The following DISC1 variants were observed in gnomAD, a reference collection of about 807,000 sequenced individuals.
DISC1 encodes disrupted in schizophrenia 1 protein.
A neutral mutation model predicts 84.5 loss-of-function variants in DISC1; 57 were observed. The observed-to-expected ratio is 0.67, with a 90% CI of 0.55 to 0.84. DISC1 has a LOEUF of 0.84. Ranked by LOEUF, DISC1 falls within the 40% of genes least tolerant of loss-of-function variation. The pLI is 0.00. For missense variants in DISC1, 1,000 were observed against 1,057.8 expected (o/e 0.95, Z 0.76); for synonymous variants, 411 against 415.2 (o/e 0.99, Z 0.12).
intron 8 of DISC1, among the ~76,000 whole-genome samples, chr1:231,805,148 C>T (rs939558664): frequency 6.6e-6 from 1 of 152,164 alleles, no homozygotes; most frequent in African/African-American, 2.4e-5. Flanking sequence ...TCACTGTACA[C>T]ACCTTAAGTG....
chr1:231,984,842 G>A (rs1478484452), intron 10 of DISC1, among the ~76,000 whole-genome samples: 11 of 152,132 alleles, frequency 7.2e-5, no homozygotes, highest in Admixed American at 5.9e-4. Context: ...ATTAGGGGCC[G>A]ACACAAGTAA....
intron 9 of DISC1, among the ~76,000 whole-genome samples, chr1:231,921,569 G>T (rs2126081373): frequency 6.8e-6 from 1 of 146,622 alleles, no homozygotes; most frequent in African/African-American, 2.5e-5. Context: ...GAAATGATTG[G>T]ATTCTTCAAA....
intron 2 of DISC1, among the ~76,000 whole-genome samples, chr1:231,697,296 A>G (rs1424422479): frequency 1.3e-5 from 2 of 152,178 alleles, no homozygotes; most frequent in African/African-American, 4.8e-5. Flanking sequence ...TAAAAATGAG[A>G]ATCTCAGGAA....
At chr1:231,940,009 C>G (rs1206207052) in intron 9 of DISC1, among the ~76,000 whole-genome samples, 1 of 152,148 alleles carries the variant, frequency 6.6e-6, no homozygotes, top group Non-Finnish European at 1.5e-5. Flanking sequence ...TTCCAATGTG[C>G]TGGGATTACA....
chr1:231,727,530 C>T (rs1293883658), intron 3 of DISC1, among the ~76,000 whole-genome samples: 3 of 152,152 alleles, frequency 2.0e-5, no homozygotes, highest in East Asian at 1.9e-4. Context: ...TTTGACCATC[C>T]TCTGGGTGTT....
intron 6 of DISC1, among the ~76,000 whole-genome samples, chr1:231,783,756 T>C (rs149487172): frequency 1.3e-5 from 2 of 152,324 alleles, no homozygotes; most frequent in Non-Finnish European, 2.9e-5. Flanking sequence ...TACTCATATG[T>C]GCCAATTTGG....
At chr1:231,776,935 G>T (rs2077007853) in intron 6 of DISC1, among the ~76,000 whole-genome samples, 1 of 152,162 alleles carries the variant, frequency 6.6e-6, no homozygotes, top group African/African-American at 2.4e-5. Context: ...TGCCCCGGGG[G>T]TAGTGCGAGG....
In DISC1 at chr1:231,954,010, G is replaced by A. The variant is rs1456341711; in HGVS notation, c.1982-4818G>A. Among the ~76,000 whole-genome samples, 5 of 152,140 alleles carry A rather than the reference G, an allele frequency of 3.3e-5. No individual in the cohort carries two copies. Among genetic ancestry groups the A allele is most frequent in the African/African-American group, 4.8e-5 (2 of 41,422 alleles). On this transcript the variant is annotated intron_variant, in intron 9 of 12. Coordinates refer to ENST00000439617, the MANE Select transcript of DISC1 (RefSeq NM_018662.3). The surrounding 1 kb of genome is among the most constrained non-coding windows in gnomAD (Gnocchi z 4.8). Reference sequence around the variant, plus strand: ...AAGGGATACAATTCATTGAAACCTCGTTGGACTTCCTCCCACTTAACATTC... The same window carrying A: ...AAGGGATACAATTCATTGAAACCTCATTGGACTTCCTCCCACTTAACATTC...
rs1012414474 is a variant in DISC1 at position 231,881,263 on chromosome 1, C to T, written c.1981+62746C>T. ...GCTGCCATAACCAAAGACCACAAAC[C>T]GGGTGGCTTAAAGAACAGACACGCA... On this transcript the variant is annotated intron_variant, in intron 9 of 12. Transcript: ENST00000439617. Among the ~76,000 whole-genome samples the T allele has an allele frequency of 9.2e-5, 14 of 152,234 alleles. No homozygotes were observed. The East Asian group carries it at 1.4e-3, about 15-fold the overall frequency.
At chr1:231,644,004 T>C (rs2059934035) in intron 1 of DISC1, among the ~76,000 whole-genome samples, 2 of 152,216 alleles carry the variant, frequency 1.3e-5, no homozygotes, top group Admixed American at 6.5e-5. Context: ...ATTTGCACAA[T>C]GGTACCATAT....
At chr1:231,635,015 T>C (rs2059076295) in intron 1 of DISC1, among the ~76,000 whole-genome samples, 1 of 152,202 alleles carries the variant, frequency 6.6e-6, no homozygotes, top group Admixed American at 6.5e-5. Flanking sequence ...CCTGGTATTC[T>C]TAGGCCTTAG....
chr1:231,638,394 A>G (rs1031594076), intron 1 of DISC1, among the ~76,000 whole-genome samples: 5 of 152,144 alleles, frequency 3.3e-5, no homozygotes, highest in African/African-American at 1.2e-4. Flanking sequence ...TTGAGGTCTT[A>G]GTCATGAATT....
In DISC1 at chr1:231,639,590, GC is replaced by G. The variant is rs2059465272; in HGVS notation, c.67+12658del. ...ATAGTTAACCACAACCGGCTGAGTG[GC>G]CAGGTGGAAAGGACATGGATGGGGA... On this transcript the variant is annotated intron_variant, in intron 1 of 12. Coordinates refer to ENST00000439617, the MANE Select transcript of DISC1 (RefSeq NM_018662.3). 2.0e-5 allele frequency among the ~76,000 whole-genome samples: 3 copies of G among 152,290 alleles called. No individual in the cohort carries two copies. The South Asian group carries it at 6.2e-4, about 32-fold the overall frequency.
chr1:231,745,925 C>T (rs1427449871), intron 3 of DISC1, among the ~76,000 whole-genome samples: 3 of 152,196 alleles, frequency 2.0e-5, no homozygotes, highest in South Asian at 4.2e-4. Context: ...TCTGTTAGTT[C>T]ACATGAGAGC....
At chr1:231,987,350 T>C (rs1175722975) in intron 10 of DISC1, among the ~76,000 whole-genome samples, 3 of 152,216 alleles carry the variant, frequency 2.0e-5, no homozygotes, top group African/African-American at 7.2e-5. Flanking sequence ...CATCGTCAGC[T>C]GAAAGCTGAG....
intron 10 of DISC1, among the ~76,000 whole-genome samples, chr1:231,985,841 C>T (rs751690131): frequency 6.6e-6 from 1 of 152,212 alleles, no homozygotes; most frequent in Admixed American, 6.5e-5. Flanking sequence ...TGACTCATCA[C>T]ATGAGTTCCT....
At chr1:231,980,348 G>A (rs958619360) in intron 10 of DISC1, among the ~76,000 whole-genome samples, 1 of 152,100 alleles carries the variant, frequency 6.6e-6, no homozygotes, top group Non-Finnish European at 1.5e-5. Context: ...TCAGAAAAGG[G>A]TCAGTCCTGC....
intron 1 of DISC1, among the ~76,000 whole-genome samples, chr1:231,634,143 CAA>C (rs1217630467): frequency 6.6e-6 from 1 of 152,184 alleles, no homozygotes; most frequent in Non-Finnish European, 1.5e-5. Flanking sequence ...CTCGGCTTCT[CAA>C]AGTGCTGGGA....
chr1:231,693,807 T>C lies in DISC1; in HGVS notation c.68-19T>C, dbSNP rs750086685. On this transcript the variant is annotated intron_variant, in intron 1 of 12. Coordinates refer to ENST00000439617, the MANE Select transcript of DISC1 (RefSeq NM_018662.3). ...TAAGATCTGCATGTTTATGGTGCTGTTTTTTCTTTTCTTCCCAGGCAGCCG... is the reference window on the plus strand; with the variant it reads ...TAAGATCTGCATGTTTATGGTGCTGCTTTTTCTTTTCTTCCCAGGCAGCCG... 6.8e-6 allele frequency: 11 copies of C among 1,612,466 alleles called. 1 individual carries two copies. In the South Asian group the frequency reaches 1.2e-4, roughly 18 times the overall value.
Sources: gnomAD v4.1 joint callset for allele counts (sites outside exome capture counted in the v4.1 genomes callset) on GRCh38, gnomAD v4.1.1 for gene constraint, Gnocchi (gnomAD v3.1) non-coding constraint, MANE v1.5 for transcripts, NCBI Gene and HGNC (gene_info 2026-07-23, HGNC 2026-07-21) for gene names.